The following NAALADL2 variants were observed in gnomAD, a reference collection of about 807,000 sequenced individuals.
NAALADL2 encodes the protein N-acetylated alpha-linked acidic dipeptidase like 2, also known as inactive N-acetylated-alpha-linked acidic dipeptidase-like protein 2.
Under a neutral mutation model 87.2 loss-of-function variants are expected in NAALADL2, and 76 were observed. That is an observed-to-expected ratio of 0.87 (90% CI 0.72 to 1.05). The LOEUF is 1.05. Among genes scored for constraint, NAALADL2 ranks in the 50% least tolerant of loss-of-function variants. NAALADL2 has a pLI of 0.00. For synonymous variants in NAALADL2, 354 were observed against 331.0 expected (o/e 1.07, Z -0.75); for missense variants, 1,089 against 945.8 (o/e 1.15, Z -1.99).
intron 4 of NAALADL2, among the ~76,000 whole-genome samples, chr3:175,307,583 T>C (rs1174351490): frequency 6.6e-6 from 1 of 152,158 alleles, no homozygotes; most frequent in East Asian, 1.9e-4. Context: ...CTGTAAGCAT[T>C]TTTTGTCTTT....
chr3:174,906,201 G>C (rs12696367), intron 1 of NAALADL2, among the ~76,000 whole-genome samples: 1 of 151,888 alleles, frequency 6.6e-6, no homozygotes, highest in Non-Finnish European at 1.5e-5. Context: ...AAACAAGAAG[G>C]TTTCTTGAAA....
At position 175,323,629 on chromosome 3, in the gene NAALADL2, C is replaced by T. The variant is rs144048261; in HGVS notation, c.940-546C>T. Among the ~76,000 whole-genome samples the T allele has an allele frequency of 7.7e-3, 1,147 of 148,652 alleles. 20 individuals carry two copies. Among genetic ancestry groups the T allele is most frequent in the African/African-American group, 0.027 (1,100 of 40,154 alleles). ...TTGAAATAAAATATAGACATTATAG[C>T]AATGCTGGTAGAGATAGAGAAAAAC... On this transcript the variant is annotated intron_variant, in intron 4 of 13. Coordinates refer to ENST00000454872, the MANE Select transcript of NAALADL2 (RefSeq NM_207015.3).
intron 2 of NAALADL2, among the ~76,000 whole-genome samples, chr3:175,225,120 CATT>C (rs1436791881): frequency 6.6e-6 from 1 of 152,108 alleles, no homozygotes; most frequent in Non-Finnish European, 1.5e-5. Flanking sequence ...CTGACATAAT[CATT>C]ATAATTTATT....
intron 2 of NAALADL2, among the ~76,000 whole-genome samples, chr3:174,551,537 T>C (rs1712128820): frequency 6.6e-6 from 1 of 152,236 alleles, no homozygotes. Context: ...CTAAAAGGCA[T>C]GTTTCAGACT....
At chr3:175,587,068 G>A (rs573459465) in intron 10 of NAALADL2, among the ~76,000 whole-genome samples, 2 of 152,166 alleles carry the variant, frequency 1.3e-5, no homozygotes, top group Admixed American at 6.6e-5. Context: ...GTGGGTCCAC[G>A]GATGTGCATG....
At chr3:175,443,707 C>T (rs540266489) in intron 5 of NAALADL2, among the ~76,000 whole-genome samples, 1 of 152,192 alleles carries the variant, frequency 6.6e-6, no homozygotes, top group East Asian at 1.9e-4. Context: ...TTATTGAACT[C>T]CCGTTATGTA....
intron 3 of NAALADL2, among the ~76,000 whole-genome samples, chr3:174,814,196 C>G (rs1243964215): frequency 6.6e-6 from 1 of 151,924 alleles, no homozygotes; most frequent in Non-Finnish European, 1.5e-5. Flanking sequence ...GCAAGCTCCA[C>G]CCCCCGGGTT....
chr3:175,421,109 A>G (rs1715619634), intron 5 of NAALADL2, among the ~76,000 whole-genome samples: 1 of 152,046 alleles, frequency 6.6e-6, no homozygotes, highest in African/African-American at 2.4e-5. Context: ...ATTATAAAAT[A>G]TCAAGAATGA....
At chr3:175,641,132 T>C (rs981112811) in intron 11 of NAALADL2, among the ~76,000 whole-genome samples, 7 of 152,188 alleles carry the variant, frequency 4.6e-5, no homozygotes, top group Non-Finnish European at 8.8e-5. Flanking sequence ...CATGACTAGC[T>C]TTCTCTAGAA....
intron 2 of NAALADL2, among the ~76,000 whole-genome samples, chr3:174,617,927 A>T (rs1367979810): frequency 6.6e-6 from 1 of 151,786 alleles, no homozygotes; most frequent in Non-Finnish European, 1.5e-5. Flanking sequence ...ATGTGAACTT[A>T]TCCTCTAAAA....
intron 9 of NAALADL2, among the ~76,000 whole-genome samples, chr3:175,545,048 C>T (rs1261662512): frequency 6.6e-6 from 1 of 152,232 alleles, no homozygotes; most frequent in East Asian, 1.9e-4. Context: ...GTATGACAAA[C>T]AACAAAATTC....
At chr3:175,562,248 T>C (rs963651733) in intron 9 of NAALADL2, among the ~76,000 whole-genome samples, 3 of 152,164 alleles carry the variant, frequency 2.0e-5, no homozygotes, top group African/African-American at 7.2e-5. Flanking sequence ...CAATAGATGA[T>C]TTACTTAATC....
At chr3:175,423,227 T>C (rs1716134774) in intron 5 of NAALADL2, among the ~76,000 whole-genome samples, 5 of 149,442 alleles carry the variant, frequency 3.3e-5, no homozygotes, top group South Asian at 4.2e-4. Context: ...TTTTTTTCTT[T>C]TTTTTTTTTC....
At chr3:174,858,779 C>T (rs1726134027), upstream of NAALADL2, among the ~76,000 whole-genome samples, 5 of 151,784 alleles carry the variant, frequency 3.3e-5, no homozygotes, top group Admixed American at 2.0e-4. Flanking sequence ...TTTCAATCTT[C>T]GTACTAATCA....
intron 12 of NAALADL2, among the ~76,000 whole-genome samples, chr3:175,746,235 T>A (rs1343431354): frequency 6.6e-6 from 1 of 151,956 alleles, no homozygotes; most frequent in Non-Finnish European, 1.5e-5. Flanking sequence ...GGATAGTATT[T>A]CAAGGTGATG....
At chr3:175,101,751 T>C (rs1722230877) in intron 2 of NAALADL2, among the ~76,000 whole-genome samples, 1 of 152,182 alleles carries the variant, frequency 6.6e-6, no homozygotes. Flanking sequence ...TTTAGTTTAT[T>C]TTTGAAGGCA....
At chr3:175,217,306 C>T (rs1742701134) in intron 2 of NAALADL2, among the ~76,000 whole-genome samples, 1 of 152,146 alleles carries the variant, frequency 6.6e-6, no homozygotes, top group Non-Finnish European at 1.5e-5. Context: ...CCAGCAACAG[C>T]ATGCGTTCAT....
chr3:174,935,310 G>A lies in NAALADL2; in HGVS notation c.43+75860G>A, dbSNP rs542105013. Among the ~76,000 whole-genome samples the A allele has an allele frequency of 2.6e-5, 4 of 152,246 alleles. No individual in the cohort carries two copies. In the East Asian group the frequency reaches 7.7e-4, roughly 29 times the overall value. On this transcript the variant is annotated intron_variant, in intron 1 of 13. Coordinates refer to ENST00000454872, the MANE Select transcript of NAALADL2 (RefSeq NM_207015.3). ...CAGATGTTAAGAGCCATTGGCAGAT[G>A]CATGAAATTTTCTCACATTCATGTA...
At chr3:174,584,168 G>A (rs1210906715) in intron 2 of NAALADL2, among the ~76,000 whole-genome samples, 3 of 152,092 alleles carry the variant, frequency 2.0e-5, no homozygotes, top group Non-Finnish European at 4.4e-5. Flanking sequence ...CTGGTAAAGG[G>A]GTTGAAGAAT....
Sources: gnomAD v4.1 joint callset for allele counts (sites outside exome capture counted in the v4.1 genomes callset) on GRCh38, gnomAD v4.1.1 for gene constraint, MANE v1.5 for transcripts, NCBI Gene and HGNC (gene_info 2026-07-23, HGNC 2026-07-21) for gene names.